ADGRV1: variants seen among roughly 807,000 people sequenced by gnomAD.
ADGRV1 encodes G-protein coupled receptor 98.
A neutral mutation model predicts 596.2 loss-of-function variants in ADGRV1; 359 were observed. The ratio of observed to expected loss-of-function variants is 0.60; its 90% CI spans 0.55 to 0.66. ADGRV1 has a LOEUF of 0.66. Ranked by LOEUF, ADGRV1 falls within the 30% of genes least tolerant of loss-of-function variation. The pLI is 0.00. For missense variants in ADGRV1, 7,274 were observed against 7,575.6 expected (o/e 0.96, Z 1.48); for synonymous variants, 2,681 against 2,679.2 (o/e 1.00, Z -0.02).
In ADGRV1 at chr5:91,152,967, C is replaced by T. The variant is rs181187686; in HGVS notation, c.18625-254C>T. 4.8e-3 allele frequency among the ~76,000 whole-genome samples: 725 copies of T among 152,272 alleles called. 3 individuals carry two copies. Among genetic ancestry groups the T allele is most frequent in the African/African-American group, 0.017 (692 of 41,544 alleles). On this transcript the variant is annotated intron_variant, in intron 88 of 89. Coordinates refer to ENST00000405460, the MANE Select transcript of ADGRV1 (RefSeq NM_032119.4). ...GCATGGTGGTTCACACCCATAATCA[C>T]GGCACTTTGAGAGGCTGAGGCAGGA...
chr5:91,162,402 A>G (rs1008030920), intron 89 of ADGRV1, among the ~76,000 whole-genome samples: 1 of 152,110 alleles, frequency 6.6e-6, no homozygotes, highest in South Asian at 2.1e-4. Context: ...CACCCCAGGC[A>G]GAGGTGCCAG....
intron 83 of ADGRV1, among the ~76,000 whole-genome samples, chr5:90,887,561 T>G (rs1770425456): frequency 6.6e-6 from 1 of 152,180 alleles, no homozygotes; most frequent in East Asian, 1.9e-4. Flanking sequence ...TGATGAATGA[T>G]AAGCACTGAA....
intron 21 of ADGRV1, among the ~76,000 whole-genome samples, chr5:90,660,001 C>T (rs575593413): frequency 6.6e-6 from 1 of 151,206 alleles, no homozygotes; most frequent in East Asian, 2.0e-4. Context: ...CACTGCACTC[C>T]AGCGTGGGTG....
At chr5:91,098,004 T>G (rs914276892) in intron 86 of ADGRV1, among the ~76,000 whole-genome samples, 2 of 152,218 alleles carry the variant, frequency 1.3e-5, no homozygotes, top group African/African-American at 4.8e-5. Context: ...CACTGTGTTT[T>G]TAGGGCCTCC....
chr5:90,703,399 G>A (rs1017270796), intron 34 of ADGRV1, among the ~76,000 whole-genome samples: 8 of 152,040 alleles, frequency 5.3e-5, no homozygotes, highest in Non-Finnish European at 1.0e-4. Flanking sequence ...GTGTATAAAA[G>A]TTTGTGTTTC....
intron 1 of ADGRV1, among the ~76,000 whole-genome samples, chr5:90,585,279 C>T (rs1440434471): frequency 2.1e-5 from 3 of 141,574 alleles, no homozygotes; most frequent in Non-Finnish European, 3.0e-5. Context: ...GGAGAATTTT[C>T]TGAGGAGAAT....
At chr5:90,747,068 G>A (rs756142820) in intron 52 of ADGRV1, among the ~76,000 whole-genome samples, 3 of 152,210 alleles carry the variant, frequency 2.0e-5, no homozygotes, top group Non-Finnish European at 2.9e-5. Context: ...AAGGGAGGGA[G>A]TGGAGGTTGT....
At chr5:91,086,063 T>C (rs1315923968) in intron 86 of ADGRV1, among the ~76,000 whole-genome samples, 1 of 152,188 alleles carries the variant, frequency 6.6e-6, no homozygotes, top group African/African-American at 2.4e-5. Context: ...CCTTGAAAAG[T>C]CCATCTCTCT....
intron 86 of ADGRV1, among the ~76,000 whole-genome samples, chr5:91,099,363 C>T (rs1019398576): frequency 1.4e-4 from 21 of 152,132 alleles, no homozygotes; most frequent in East Asian, 7.8e-4. Flanking sequence ...CTCCCTTTCC[C>T]GAACAATTCC....
intron 73 of ADGRV1, 137 bp from the exon 74 acceptor site, chr5:90,810,096 T>G: frequency 1.4e-6 from 1 of 697,526 alleles, no homozygotes; most frequent in South Asian, 2.1e-5. Context: ...TAGGGTTTGA[T>G]GGAATTTGAA....
At position 90,704,381 on chromosome 5, in the gene ADGRV1, T is replaced by C; in HGVS notation, c.8287-8T>C. The C allele has an allele frequency of 6.5e-7, 1 of 1,529,994 alleles. No homozygotes were observed. The highest frequency in any genetic ancestry group is 8.9e-7 in the Non-Finnish European group (1 of 1,125,036). The allele number at this position is 1,529,994 out of a possible 1,614,324, so 94.8% of individuals were successfully genotyped here. On this transcript the variant is annotated splice_polypyrimidine_tract_variant and splice_region_variant and intron_variant, in intron 35 of 89. Transcript: ENST00000405460. ...ACAGCGGGATTGATTTCTTTCTGTA[T>C]GACATAGGGGTCGTTGAATACAACA... is the stretch of plus-strand genomic sequence containing the variant.
chr5:90,769,579 C>T (rs1042564933), intron 59 of ADGRV1, among the ~76,000 whole-genome samples: 1 of 152,138 alleles, frequency 6.6e-6, no homozygotes, highest in Non-Finnish European at 1.5e-5. Flanking sequence ...TGAATTTGTC[C>T]TATGCATCAC....
intron 83 of ADGRV1, among the ~76,000 whole-genome samples, chr5:90,887,108 T>C (rs1031283630): frequency 3.9e-5 from 6 of 152,112 alleles, no homozygotes; most frequent in African/African-American, 1.2e-4. Context: ...CAAGATCAAT[T>C]CCACATCATA....
At chr5:91,063,197 G>C (rs541171182) in intron 85 of ADGRV1, among the ~76,000 whole-genome samples, 1 of 151,772 alleles carries the variant, frequency 6.6e-6, no homozygotes, top group Non-Finnish European at 1.5e-5. Flanking sequence ...GAGCTCAAGC[G>C]ATCTGCCCAC....
At chr5:90,694,926 A>T (rs1206013948) in intron 33 of ADGRV1, among the ~76,000 whole-genome samples, 2 of 152,156 alleles carry the variant, frequency 1.3e-5, no homozygotes, top group Admixed American at 1.3e-4. Flanking sequence ...TAAAAAATAG[A>T]TTTTCCGGGA....
intron 86 of ADGRV1, among the ~76,000 whole-genome samples, chr5:91,089,120 A>G (rs1053877387): frequency 6.6e-6 from 1 of 152,164 alleles, no homozygotes; most frequent in African/African-American, 2.4e-5. Context: ...TTAAAAGGGT[A>G]ATAATAATAA....
chr5:91,054,893 A>T (rs1186610819), intron 85 of ADGRV1, among the ~76,000 whole-genome samples: 1 of 152,170 alleles, frequency 6.6e-6, no homozygotes, highest in African/African-American at 2.4e-5. Context: ...GTGCTTCCCC[A>T]CCTATCAAAA....
chr5:90,619,088 A>C lies in ADGRV1; in HGVS notation c.360A>C (p.Lys120Asn). Reference sequence around the variant, plus strand: ...TTATTTTTGGGATTTTATTTTAGAAACCTTCAGCAAATGTGAAGCTTGGAT... The same window carrying C: ...TTATTTTTGGGATTTTATTTTAGAACCCTTCAGCAAATGTGAAGCTTGGAT... ...ETFIFHLTLQKPSANVKLGWP... is the reference protein window; with the variant it reads ...ETFIFHLTLQNPSANVKLGWP... The change falls in exon 4 of 90, where the codon AAA becomes AAC. Residue 120 changes from lysine to asparagine, a missense_variant and splice_region_variant. Lys to Asn is a moderately conservative substitution (Grantham distance 94, BLOSUM62 0). Coordinates refer to ENST00000405460, the MANE Select transcript of ADGRV1 (RefSeq NM_032119.4). The C allele has an allele frequency of 7.1e-7, 1 of 1,403,954 alleles. No homozygotes were observed. The highest frequency in any genetic ancestry group is 1.8e-4 in the Middle Eastern group (1 of 5,488). 87.0% of individuals were successfully genotyped at this position (1,403,954 alleles called of 1,614,324 possible).
At chr5:90,660,624 C>A (rs1418550102) in intron 21 of ADGRV1, among the ~76,000 whole-genome samples, 3 of 152,102 alleles carry the variant, frequency 2.0e-5, no homozygotes, top group African/African-American at 4.8e-5. Flanking sequence ...AATTCCAGCA[C>A]TTTGGGAAGC....
Sources: allele counts gnomAD v4.1 joint callset (sites outside exome capture counted in the v4.1 genomes callset), GRCh38; gene constraint gnomAD v4.1.1; transcripts MANE v1.5; gene names NCBI Gene and HGNC (gene_info 2026-07-23, HGNC 2026-07-21).